The following CNTN4 variants were observed in gnomAD, a reference collection of about 807,000 sequenced individuals.
CNTN4 encodes the protein contactin-4.
A neutral mutation model predicts 122.5 loss-of-function variants in CNTN4; 77 were observed. That is an observed-to-expected ratio of 0.63 (90% CI 0.52 to 0.76). The LOEUF (loss-of-function observed/expected upper bound fraction) is 0.76. Among genes scored for constraint, CNTN4 ranks in the 30% least tolerant of loss-of-function variants. The probability of loss-of-function intolerance (pLI) is 0.00; values close to 1 mark genes in which losing one functional copy is unlikely to be tolerated. For synonymous variants in CNTN4, 512 were observed against 447.0 expected (o/e 1.15, Z -1.83); for missense variants, 1,256 against 1,259.1 (o/e 1.00, Z 0.04).
chr3:2,164,257 C>G (rs1386375198), intron 2 of CNTN4, among the ~76,000 whole-genome samples: 1 of 151,696 alleles, frequency 6.6e-6, no homozygotes, highest in South Asian at 2.1e-4. Flanking sequence ...ACAAAGTATA[C>G]CCTTTAGTAG....
At chr3:2,262,318 T>C (rs1405401436) in intron 2 of CNTN4, 1 of 152,196 alleles carries the variant, frequency 6.6e-6, no homozygotes, top group African/African-American at 2.4e-5. Context: ...CTTTCTTTAT[T>C]TTTTTTCATA....
At chr3:2,797,409 CCAA>C (rs2092220543) in intron 6 of CNTN4, among the ~76,000 whole-genome samples, 3 of 152,264 alleles carry the variant, frequency 2.0e-5, no homozygotes, top group African/African-American at 4.8e-5. Context: ...ACCAACCTGG[CCAA>C]CATGATGAAA....
chr3:2,646,895 C>T (rs959982386), intron 4 of CNTN4, among the ~76,000 whole-genome samples: 3 of 152,162 alleles, frequency 2.0e-5, no homozygotes, highest in African/African-American at 4.8e-5. Flanking sequence ...ACTTAATTAC[C>T]TCTTAAAAGG....
intron 7 of CNTN4, among the ~76,000 whole-genome samples, chr3:2,853,873 C>G (rs2093587412): frequency 2.6e-5 from 4 of 152,202 alleles, no homozygotes; most frequent in Admixed American, 1.3e-4. Flanking sequence ...TCTCCTGTGA[C>G]TCACTCCCAT....
intron 6 of CNTN4, among the ~76,000 whole-genome samples, chr3:2,763,197 G>A (rs1160192057): frequency 2.0e-5 from 3 of 152,014 alleles, no homozygotes; most frequent in East Asian, 1.9e-4. Flanking sequence ...CGCCCACCTC[G>A]GCCTCCCAAA....
chr3:2,569,265 C>T (rs898330674), intron 3 of CNTN4, among the ~76,000 whole-genome samples: 2 of 152,162 alleles, frequency 1.3e-5, no homozygotes, highest in Admixed American at 6.5e-5. Context: ...TGTTAGCTCC[C>T]TGGTAAACAT....
chr3:2,237,111 G>A (rs146112768), intron 2 of CNTN4, among the ~76,000 whole-genome samples: 233 of 152,274 alleles, frequency 1.5e-3, no homozygotes, highest in Middle Eastern at 6.8e-3. Context: ...TGGGAAGACA[G>A]TGAAGCATCT....
rs528295936 is a variant in CNTN4, at chr3:2,767,231, A to T, written c.358+21534A>T. Among the ~76,000 whole-genome samples, 3 of 152,320 alleles carry T rather than the reference A, an allele frequency of 2.0e-5. No individual in the cohort carries two copies. In the South Asian group the frequency reaches 6.2e-4, roughly 32 times the overall value. ...CATGCAAAATATATTCAGAGACAAG[A>T]TGAATGTGCTTTCCTTTTGGAAGTG... On this transcript the variant is annotated intron_variant, in intron 6 of 24. Coordinates refer to ENST00000418658, the MANE Select transcript of CNTN4 (RefSeq NM_175607.3).
chr3:2,301,660 A>G lies in CNTN4; in HGVS notation c.-144-37518A>G, dbSNP rs192691096. Reference sequence around the variant, plus strand: ...ATCATAATCACAGCAAAAGGAGGCAAGTAACTTGGGGAATAATACAGAGTC... The same window carrying G: ...ATCATAATCACAGCAAAAGGAGGCAGGTAACTTGGGGAATAATACAGAGTC... On this transcript the variant is annotated intron_variant, in intron 2 of 24. Transcript: ENST00000418658. Among the ~76,000 whole-genome samples, 336 of 152,288 alleles carry G rather than the reference A, an allele frequency of 2.2e-3. 4 individuals carry two copies. Among genetic ancestry groups the G allele is most frequent in the Non-Finnish European group, 1.1e-3 (72 of 68,024 alleles).
chr3:2,596,677 A>G (rs183599207), intron 4 of CNTN4, among the ~76,000 whole-genome samples: 104 of 152,256 alleles, frequency 6.8e-4, no homozygotes, highest in African/African-American at 2.4e-3. Context: ...GGGAAGTGCA[A>G]TCATTTGCCC....
Position 2,841,806 on chromosome 3 carries a change from C to T in CNTN4, c.454+22225C>T, listed in dbSNP as rs1009563403. 1.3e-5 allele frequency among the ~76,000 whole-genome samples: 2 copies of T among 150,984 alleles called. No homozygotes were observed. The highest frequency in any genetic ancestry group is 2.9e-5 in the Non-Finnish European group (2 of 68,024). ...TCCTCCCTTGACCACAAATATTAAA[C>T]GTTTCACCAGGGAAATGGCTGGTAA... On this transcript the variant is annotated intron_variant, in intron 7 of 24. Transcript: ENST00000418658. This position sits in a 1 kb window ranked among gnomAD's most constrained non-coding sequence, Gnocchi z 4.8.
intron 3 of CNTN4, among the ~76,000 whole-genome samples, chr3:2,356,285 G>A (rs2044869755): frequency 6.6e-6 from 1 of 152,192 alleles, no homozygotes; most frequent in African/African-American, 2.4e-5. Flanking sequence ...GCAGTGGCAT[G>A]TGTAGCTGGG....
At chr3:3,049,093 T>C (rs950111463) in intron 23 of CNTN4, among the ~76,000 whole-genome samples, 1 of 152,196 alleles carries the variant, frequency 6.6e-6, no homozygotes, top group Non-Finnish European at 1.5e-5. Context: ...TTTATTTTGT[T>C]GTATTTTGAG....
At chr3:2,566,012 G>C (rs970005277) in intron 3 of CNTN4, among the ~76,000 whole-genome samples, 2 of 152,166 alleles carry the variant, frequency 1.3e-5, no homozygotes, top group African/African-American at 4.8e-5. Flanking sequence ...TATCACAAAA[G>C]ACTTCTGAAT....
At chr3:2,334,385 C>T (rs4685511) in intron 2 of CNTN4, among the ~76,000 whole-genome samples, 11,692 of 152,200 alleles carry the variant, frequency 0.077, 505 homozygotes, top group Middle Eastern at 0.085. Flanking sequence ...TCTTGAACTT[C>T]TTACCTCAAG....
At chr3:2,535,640 A>G (rs745350104) in intron 3 of CNTN4, among the ~76,000 whole-genome samples, 1 of 152,070 alleles carries the variant, frequency 6.6e-6, no homozygotes, top group African/African-American at 2.4e-5. Flanking sequence ...CTATGTTCTA[A>G]TCTATTCCTA....
intron 3 of CNTN4, among the ~76,000 whole-genome samples, chr3:2,368,278 C>T (rs973598967): frequency 6.6e-5 from 10 of 151,442 alleles, no homozygotes; most frequent in East Asian, 2.0e-4. Context: ...ATGATCCGCC[C>T]GCCTCGGCCT....
intron 3 of CNTN4, chr3:2,362,564 A>G: frequency 1.7e-6 from 1 of 600,818 alleles, no homozygotes. Context: ...AACCAGGCTG[A>G]AGAAGAAGAC....
chr3:2,265,906 T>C (rs1478251392), intron 2 of CNTN4, among the ~76,000 whole-genome samples: 1 of 152,088 alleles, frequency 6.6e-6, no homozygotes, highest in Non-Finnish European at 1.5e-5. Flanking sequence ...CTGATTTTTG[T>C]ATGTTGATTT....
Sources: allele counts gnomAD v4.1 joint callset (sites outside exome capture counted in the v4.1 genomes callset), GRCh38; gene constraint gnomAD v4.1.1; non-coding constraint Gnocchi (gnomAD v3.1); transcripts MANE v1.5; gene names NCBI Gene and HGNC (gene_info 2026-07-23, HGNC 2026-07-21).